Variants in GPBP1L1 observed in about 807,000 individuals in gnomAD.
GPBP1L1 encodes the protein GC-rich promoter binding protein 1 like 1.
A neutral mutation model predicts 52.5 loss-of-function variants in GPBP1L1; 23 were observed. The ratio of observed to expected loss-of-function variants is 0.44; its 90% CI spans 0.32 to 0.62. The LOEUF (loss-of-function observed/expected upper bound fraction) is 0.62, where lower values mean the gene tolerates loss of function less well. GPBP1L1 is among the 20% of genes least tolerant of loss of function. The pLI is 0.06. For missense variants in GPBP1L1, 596 were observed against 579.3 expected (o/e 1.03, Z -0.30); for synonymous variants, 243 against 203.1 (o/e 1.20, Z -1.67).
chr1:45,627,317 T>TA lies in GPBP1L1; in HGVS notation c.*938_*939insT, dbSNP rs1183207688. On this transcript the variant is annotated 3_prime_UTR_variant, in exon 13 of 13. Transcript: ENST00000355105. The stretch of plus-strand genomic sequence containing the variant: ...AAAAAAAAAAACTTGGTTTCTGACT[T>TA]TATTACTGGTAATTTATTGCACAGG... The TA allele has an allele frequency of 6.6e-6, 1 of 152,568 alleles. No individual in the cohort carries two copies. Among genetic ancestry groups the TA allele is most frequent in the Non-Finnish European group, 1.5e-5 (1 of 68,042 alleles). The allele number at this position is 152,568 out of a possible 1,614,324, so 9.5% of individuals were successfully genotyped here.
intron 6 of GPBP1L1, among the ~76,000 whole-genome samples, chr1:45,644,230 T>C (rs76464939): frequency 0.011 from 1,611 of 152,268 alleles, 29 homozygotes; most frequent in African/African-American, 0.037. Flanking sequence ...GATGGAGTGG[T>C]AGAGGCAGAA....
chr1:45,637,914 T>A (rs905220589), intron 8 of GPBP1L1, among the ~76,000 whole-genome samples: 1 of 152,184 alleles, frequency 6.6e-6, no homozygotes, highest in Non-Finnish European at 1.5e-5. Flanking sequence ...GTCTATTTTA[T>A]AGAAGAAGAA....
rs1218537272 is a variant in GPBP1L1, at chr1:45,630,751, T to C, written c.1045-145A>G. 5 of 775,548 alleles carry C rather than the reference T, an allele frequency of 6.4e-6. 1 individual carries two copies. Among genetic ancestry groups the C allele is most frequent in the South Asian group, 5.6e-5 (3 of 53,906 alleles). 48.0% of individuals were successfully genotyped at this position (775,548 alleles called of 1,614,324 possible). ...ACAGATTTTTTTCCCCATTTACAAATGAGGACCTGCTGCATCAACAAAACT... is the reference window on the plus strand; with the variant it reads ...ACAGATTTTTTTCCCCATTTACAAACGAGGACCTGCTGCATCAACAAAACT... On this transcript the variant is annotated intron_variant, in intron 10 of 12. Transcript: ENST00000355105.
chr1:45,646,350 G>T (rs932782510), intron 6 of GPBP1L1, among the ~76,000 whole-genome samples: 16 of 152,134 alleles, frequency 1.1e-4, no homozygotes, highest in African/African-American at 3.9e-4. Context: ...CCATTTACTT[G>T]TTATAAAGCT....
chr1:45,676,623 T>C (rs369724610), intron 2 of GPBP1L1, among the ~76,000 whole-genome samples: 2 of 146,266 alleles, frequency 1.4e-5, no homozygotes, highest in African/African-American at 2.6e-5. Context: ...GGCAGGAGAA[T>C]AGCTTGAACT....
chr1:45,636,110 C>T (rs78448357), intron 8 of GPBP1L1, among the ~76,000 whole-genome samples: 1 of 152,170 alleles, frequency 6.6e-6, no homozygotes, highest in Non-Finnish European at 1.5e-5. Context: ...TCATAAATAA[C>T]CAAAACTTTC....
chr1:45,659,186 G>C, intron 3 of GPBP1L1, 44 bp from the exon 4 acceptor site: 1 of 1,122,600 alleles, frequency 8.9e-7, no homozygotes, highest in Non-Finnish European at 1.3e-6. Flanking sequence ...ACAAGAATCT[G>C]ATACCAATGT....
At chr1:45,649,548 G>T (rs947905350) in intron 6 of GPBP1L1, among the ~76,000 whole-genome samples, 4 of 151,808 alleles carry the variant, frequency 2.6e-5, no homozygotes, top group Non-Finnish European at 4.4e-5. Context: ...CTTGTCTGAG[G>T]TCTCCTATGA....
intron 2 of GPBP1L1, among the ~76,000 whole-genome samples, chr1:45,667,609 A>C (rs1645026078): frequency 1.3e-5 from 2 of 152,196 alleles, no homozygotes; most frequent in Admixed American, 6.5e-5. Flanking sequence ...GTCCAGTAGC[A>C]TCATCAATTT....
Position 45,633,536 on chromosome 1 carries a change from G to A in GPBP1L1, c.997C>T (p.Arg333Trp), listed in dbSNP as rs765686043. 1.9e-5 allele frequency: 30 copies of A among 1,613,726 alleles called. No homozygotes were observed. The highest frequency in any genetic ancestry group is 1.6e-4 in the Middle Eastern group (1 of 6,084). ...CTATTCTCTGAGAAGTCTCCATTCC[G>A]GTCATCCTTCAGAGTTTTCAGGAAC... Reference protein sequence around the residue: ...SEFLKTLKDDRNGDFSENRDC... With the variant: ...SEFLKTLKDDWNGDFSENRDC... Residue 333 changes from arginine to tryptophan, a missense_variant, in exon 10 of 13, where the codon CGG becomes TGG. Physicochemically the swap from Arg to Trp is moderately radical, Grantham distance 101 (BLOSUM62 -3). Coordinates refer to ENST00000355105, the MANE Select transcript of GPBP1L1 (RefSeq NM_021639.5).
chr1:45,633,737 T>TA, intron 9 of GPBP1L1, 90 bp from the exon 10 acceptor site: 1 of 1,303,262 alleles, frequency 7.7e-7, no homozygotes, highest in Admixed American at 2.4e-5. Context: ...AAGAATCTGG[T>TA]AGCCTATTTA....
At chr1:45,654,297 G>C in intron 6 of GPBP1L1, 1 of 363,764 alleles carries the variant, frequency 2.7e-6, no homozygotes, top group Non-Finnish European at 5.0e-6. Flanking sequence ...TAAGACTTAA[G>C]AGAAATTAAA....
At chr1:45,672,167 C>T (rs1316357054) in intron 2 of GPBP1L1, among the ~76,000 whole-genome samples, 1 of 152,066 alleles carries the variant, frequency 6.6e-6, no homozygotes, top group Non-Finnish European at 1.5e-5. Flanking sequence ...TCGAGACCAG[C>T]CTGGCCAACA....
intron 7 of GPBP1L1, among the ~76,000 whole-genome samples, chr1:45,640,891 A>G (rs1001616230): frequency 2.0e-5 from 3 of 151,966 alleles, no homozygotes; most frequent in African/African-American, 7.3e-5. Flanking sequence ...GGTGGTGCAC[A>G]CCTGTGGTCC....
At chr1:45,631,991 T>TAC (rs1410283952) in intron 10 of GPBP1L1, among the ~76,000 whole-genome samples, 9 of 150,428 alleles carry the variant, frequency 6.0e-5, no homozygotes, top group African/African-American at 1.7e-4. Context: ...GAGGCTGAGG[T>TAC]GGGTGGATTA....
chr1:45,667,398 T>G (rs1481878915), intron 2 of GPBP1L1, among the ~76,000 whole-genome samples: 1 of 152,156 alleles, frequency 6.6e-6, no homozygotes, highest in Non-Finnish European at 1.5e-5. Context: ...AACCTCCAAC[T>G]TATCGGGCAC....
rs1644687149 is a variant in GPBP1L1, at chr1:45,642,511, G to A, written c.478-12C>T. The A allele has an allele frequency of 1.2e-6, 2 of 1,610,258 alleles. No homozygotes were observed. On this transcript the variant is annotated splice_polypyrimidine_tract_variant and intron_variant, in intron 6 of 12. Coordinates refer to ENST00000355105, the MANE Select transcript of GPBP1L1 (RefSeq NM_021639.5). ...GGATTCAAGGAAGGCTAGGAAAAAA[G>A]GGATATGAATGGTTGATACAGAAAG...
Position 45,629,656 on chromosome 1 carries a change from GCCAAC to G in GPBP1L1, c.1187_1191del (p.Gly396AlafsTer5). On this transcript the variant is annotated frameshift_variant, in exon 12 of 13. Transcript: ENST00000355105. LOFTEE classifies it high-confidence loss of function. ...TTCTCATCATTTTCAGGATATTCCT[GCCAAC>G]CCATAGCTTTCAATAACCTGGTGGA... The G allele has an allele frequency of 6.2e-7, 1 of 1,612,182 alleles. No homozygotes were observed. The highest frequency in any genetic ancestry group is 1.7e-5 in the Admixed American group (1 of 60,014).
At chr1:45,632,584 C>T (rs548868451) in intron 10 of GPBP1L1, among the ~76,000 whole-genome samples, 2 of 152,000 alleles carry the variant, frequency 1.3e-5, no homozygotes, top group East Asian at 1.9e-4. Flanking sequence ...GGCGTGGTGG[C>T]GGGTGCCTGT....
Sources: gnomAD v4.1 joint callset for allele counts (sites outside exome capture counted in the v4.1 genomes callset) on GRCh38, gnomAD v4.1.1 for gene constraint, MANE v1.5 for transcripts, NCBI Gene and HGNC (gene_info 2026-07-23, HGNC 2026-07-21) for gene names.